The following GNAI1 variants were observed in gnomAD, a reference collection of about 807,000 sequenced individuals.
GNAI1 encodes G protein subunit alpha i1.
Under a neutral mutation model 38.9 loss-of-function variants are expected in GNAI1, and 11 were observed. The ratio of observed to expected loss-of-function variants is 0.28; its 90% CI spans 0.18 to 0.47. The LOEUF (loss-of-function observed/expected upper bound fraction) is 0.47, where lower values mean the gene tolerates loss of function less well. GNAI1 is among the 20% of genes least tolerant of loss of function. GNAI1 has a pLI of 0.99. For missense variants in GNAI1, 317 were observed against 436.9 expected (o/e 0.73, Z 2.45); for synonymous variants, 166 against 145.1 (o/e 1.14, Z -1.04).
chr7:80,143,400 A>G (rs961997402), intron 1 of GNAI1, among the ~76,000 whole-genome samples: 3 of 152,174 alleles, frequency 2.0e-5, no homozygotes, highest in African/African-American at 7.2e-5. Context: ...TAAATCTGTC[A>G]GTTGTTTTCA....
At chr7:80,151,671 G>T (rs550453332) in intron 1 of GNAI1, among the ~76,000 whole-genome samples, 1 of 152,140 alleles carries the variant, frequency 6.6e-6, no homozygotes, top group Non-Finnish European at 1.5e-5. Context: ...CCACCAAGTG[G>T]CTGCATTTCT....
intron 1 of GNAI1, among the ~76,000 whole-genome samples, chr7:80,169,238 T>C (rs995052059): frequency 4.7e-4 from 71 of 152,334 alleles, no homozygotes; most frequent in African/African-American, 1.7e-3. Context: ...GCCTCTGCTC[T>C]CTTTAATAAA....
At chr7:80,156,265 C>T (rs1787817659) in intron 1 of GNAI1, among the ~76,000 whole-genome samples, 1 of 151,936 alleles carries the variant, frequency 6.6e-6, no homozygotes, top group African/African-American at 2.4e-5. Context: ...TACCATTTAT[C>T]CTGTTAAAAG....
At chr7:80,177,809 T>G (rs1475204318) in intron 1 of GNAI1, among the ~76,000 whole-genome samples, 1 of 152,234 alleles carries the variant, frequency 6.6e-6, no homozygotes, top group Non-Finnish European at 1.5e-5. Flanking sequence ...ACAGTATTTG[T>G]TCTGCAGCTT....
rs537769757 is a variant in GNAI1 at position 80,209,416 on chromosome 7, A to G, written c.591-1553A>G. ...CTTCTGGGAAACCTCAGTTTTTGCC[A>G]GTTTTAGCCTGTAGAGTGATTGAGG... On this transcript the variant is annotated intron_variant, in intron 5 of 7. Coordinates refer to ENST00000649796, the MANE Select transcript of GNAI1 (RefSeq NM_002069.6). Among the ~76,000 whole-genome samples the G allele has an allele frequency of 3.3e-5, 5 of 152,336 alleles. No homozygotes were observed. In the East Asian group the frequency reaches 9.6e-4, roughly 29 times the overall value.
intron 1 of GNAI1, among the ~76,000 whole-genome samples, chr7:80,147,121 A>G (rs1185286477): frequency 6.6e-6 from 1 of 152,148 alleles, no homozygotes; most frequent in African/African-American, 2.4e-5. Flanking sequence ...ACGATTGTTC[A>G]GGTCAGGCTG....
rs930602808 is a variant in GNAI1, at chr7:80,218,839, G to A, written c.*1346G>A. The A allele has an allele frequency of 2.6e-5, 4 of 152,090 alleles. No homozygotes were observed. Among genetic ancestry groups the A allele is most frequent in the Non-Finnish European group, 4.4e-5 (3 of 68,026 alleles). The allele number at this position is 152,090 out of a possible 1,614,324, so 9.4% of individuals were successfully genotyped here. A position where few individuals can be genotyped will look rare whatever the true frequency, so the allele number is the denominator to read the frequency against. Reference sequence around the variant, plus strand: ...AAGTGTTATGTATCAGCTAGATACTGAGCTTTGATAGAATAATTTTCTTTT... The same window carrying A: ...AAGTGTTATGTATCAGCTAGATACTAAGCTTTGATAGAATAATTTTCTTTT... On this transcript the variant is annotated 3_prime_UTR_variant, in exon 8 of 8. Transcript: ENST00000649796.
In GNAI1 at chr7:80,149,091, A is replaced by G. The variant is rs576360837; in HGVS notation, c.118+13813A>G. Among the ~76,000 whole-genome samples, 36 of 152,258 alleles carry G rather than the reference A, an allele frequency of 2.4e-4. 1 individual carries two copies. The highest frequency in any genetic ancestry group is 8.4e-4 in the African/African-American group (35 of 41,578). ...ACTGTGGACATTTAGGGAAGCAAAC[A>G]TTTGAGTAAATTTCTTTTCTCGATG... is the stretch of plus-strand genomic sequence containing the variant. On this transcript the variant is annotated intron_variant, in intron 1 of 7. Coordinates refer to ENST00000649796, the MANE Select transcript of GNAI1 (RefSeq NM_002069.6).
At position 80,210,960 on chromosome 7, in the gene GNAI1, T is replaced by C. The variant is rs753980812; in HGVS notation, c.591-9T>C. 6 of 1,612,026 alleles carry C rather than the reference T, an allele frequency of 3.7e-6. No individual in the cohort carries two copies. In the South Asian group the frequency reaches 6.6e-5, roughly 18 times the overall value. ...TAATGTGATGTTAACTCATTTCTCCTCTTAACAGAATGTTTGATGTGGGAG... is the reference window on the plus strand; with the variant it reads ...TAATGTGATGTTAACTCATTTCTCCCCTTAACAGAATGTTTGATGTGGGAG... On this transcript the variant is annotated splice_polypyrimidine_tract_variant and intron_variant, in intron 5 of 7. Coordinates refer to ENST00000649796, the MANE Select transcript of GNAI1 (RefSeq NM_002069.6).
At chr7:80,204,907 G>A (rs1261687174) in intron 5 of GNAI1, among the ~76,000 whole-genome samples, 6 of 134,136 alleles carry the variant, frequency 4.5e-5, no homozygotes, top group Non-Finnish European at 7.9e-5. Context: ...AGTGTTACTT[G>A]ATGTTAAAAA....
chr7:80,163,263 A>C (rs539401143), intron 1 of GNAI1, among the ~76,000 whole-genome samples: 1 of 152,302 alleles, frequency 6.6e-6, no homozygotes, highest in South Asian at 2.1e-4. Context: ...TTACTTTTGT[A>C]ATCATCTTTA....
rs191341520 is a variant in GNAI1 at position 80,221,920 on chromosome 7, G to A, written c.*4427G>A. On this transcript the variant is annotated 3_prime_UTR_variant, in exon 8 of 8. Transcript: ENST00000649796. ...CTCCCAAAGTGCTGGGATTACAGAC[G>A]TGAGCCACTGCGCCCAGCCAGTTTT... 3.0e-3 allele frequency among the ~76,000 whole-genome samples: 462 copies of A among 152,182 alleles called. 3 individuals carry two copies. The highest frequency in any genetic ancestry group is 3.3e-3 in the Non-Finnish European group (225 of 67,996).
chr7:80,138,609 T>G (rs1787468601), intron 1 of GNAI1, among the ~76,000 whole-genome samples: 1 of 152,230 alleles, frequency 6.6e-6, no homozygotes, highest in African/African-American at 2.4e-5. Flanking sequence ...AGCTTATGCT[T>G]TATTTCGGTA....
intron 1 of GNAI1, among the ~76,000 whole-genome samples, chr7:80,147,263 G>A (rs992683086): frequency 4.0e-5 from 6 of 151,704 alleles, no homozygotes; most frequent in South Asian, 2.1e-4. Flanking sequence ...TTCACATGTC[G>A]AAACCCTAAC....
intron 5 of GNAI1, among the ~76,000 whole-genome samples, chr7:80,205,904 A>G (rs1444598882): frequency 6.6e-6 from 1 of 152,092 alleles, no homozygotes; most frequent in African/African-American, 2.4e-5. Flanking sequence ...ACTGTGAATT[A>G]TGGATTAGGC....
At chr7:80,164,519 A>G (rs376587120) in intron 1 of GNAI1, among the ~76,000 whole-genome samples, 1 of 150,138 alleles carries the variant, frequency 6.7e-6, no homozygotes, top group Non-Finnish European at 1.5e-5. Flanking sequence ...CCACCACCAC[A>G]CCCGGCTAAT....
rs1479443612 is a variant in GNAI1, at chr7:80,145,007, G to A, written c.118+9729G>A. Among the ~76,000 whole-genome samples, 5 of 152,242 alleles carry A rather than the reference G, an allele frequency of 3.3e-5. 1 individual carries two copies. The South Asian group carries it at 8.3e-4, about 25-fold the overall frequency. On this transcript the variant is annotated intron_variant, in intron 1 of 7. Coordinates refer to ENST00000649796, the MANE Select transcript of GNAI1 (RefSeq NM_002069.6). ...TCCTCTAATTCAAGACCAACACTGA[G>A]CACTTGCCTCCATCAATTCGTCCTC...
chr7:80,186,113 A>G (rs1476640655), intron 1 of GNAI1, among the ~76,000 whole-genome samples: 3 of 145,388 alleles, frequency 2.1e-5, no homozygotes. Context: ...GTTCACTGCA[A>G]CCTCTGCCTC....
chr7:80,160,002 A>T (rs1005637828), intron 1 of GNAI1, among the ~76,000 whole-genome samples: 4 of 152,158 alleles, frequency 2.6e-5, no homozygotes, highest in African/African-American at 9.7e-5. Flanking sequence ...TGGTTGTATC[A>T]CTTATTAACT....
Sources: allele counts gnomAD v4.1 joint callset (sites outside exome capture counted in the v4.1 genomes callset), GRCh38; gene constraint gnomAD v4.1.1; transcripts MANE v1.5; gene names NCBI Gene and HGNC (gene_info 2026-07-23, HGNC 2026-07-21).